KIAA1217: variants seen among roughly 807,000 people sequenced by gnomAD.
The protein encoded by KIAA1217 is KIAA1217, also known as sickle tail protein homolog.
A neutral mutation model predicts 163.9 loss-of-function variants in KIAA1217; 88 were observed. The ratio of observed to expected loss-of-function variants is 0.54; its 90% CI spans 0.45 to 0.64. The LOEUF (loss-of-function observed/expected upper bound fraction) is 0.64. Among genes scored for constraint, KIAA1217 ranks in the 30% least tolerant of loss-of-function variants. The pLI is 0.00. For missense variants in KIAA1217, 2,372 were observed against 2,475.0 expected (o/e 0.96, Z 0.88); for synonymous variants, 903 against 923.1 (o/e 0.98, Z 0.39).
At chr10:24,494,321 T>G (rs1056743882) in intron 6 of KIAA1217, among the ~76,000 whole-genome samples, 179 bp from the exon 7 acceptor site, 1 of 152,190 alleles carries the variant, frequency 6.6e-6, no homozygotes, top group African/African-American at 2.4e-5. Context: ...TACTGAACAC[T>G]GATCACGAAT....
At chr10:24,409,395 T>G (rs1008493597) in intron 3 of KIAA1217, among the ~76,000 whole-genome samples, 4 of 152,204 alleles carry the variant, frequency 2.6e-5, no homozygotes, top group African/African-American at 9.6e-5. Flanking sequence ...TTCAAAATTC[T>G]AGGGAATGCA....
chr10:23,798,398 C>T (rs1836307513), intron 1 of KIAA1217, among the ~76,000 whole-genome samples: 1 of 152,200 alleles, frequency 6.6e-6, no homozygotes, highest in Admixed American at 6.5e-5. Context: ...TCTGTGTCCT[C>T]CTCCATCACC....
chr10:24,162,657 A>G (rs149798587), intron 2 of KIAA1217, among the ~76,000 whole-genome samples: 18 of 152,328 alleles, frequency 1.2e-4, no homozygotes, highest in African/African-American at 3.1e-4. Context: ...AGCAACATGA[A>G]TCATAAATTT....
chr10:24,230,945 G>A (rs977376621), intron 2 of KIAA1217, among the ~76,000 whole-genome samples: 1 of 152,182 alleles, frequency 6.6e-6, no homozygotes, highest in East Asian at 1.9e-4. Flanking sequence ...TCCTGTGGGA[G>A]CCTTGCTCTT....
chr10:23,704,174 A>G (rs5013588), intron 1 of KIAA1217, among the ~76,000 whole-genome samples: 1,076 of 17,442 alleles, frequency 0.062, 13 homozygotes, highest in East Asian at 0.16. Flanking sequence ...GTGTGTGTGT[A>G]TATATATATA....
intron 1 of KIAA1217, among the ~76,000 whole-genome samples, chr10:23,845,448 A>C (rs751072452): frequency 1.3e-5 from 2 of 152,210 alleles, no homozygotes; most frequent in Non-Finnish European, 2.9e-5. Flanking sequence ...ATGAGATGGT[A>C]TCTCATTGTG....
chr10:24,391,572 T>TG (rs2054992944), intron 3 of KIAA1217, among the ~76,000 whole-genome samples: 1 of 152,110 alleles, frequency 6.6e-6, no homozygotes, highest in Non-Finnish European at 1.5e-5. Flanking sequence ...CTCGAACTCC[T>TG]GACCTCAGGT....
intron 3 of KIAA1217, among the ~76,000 whole-genome samples, chr10:24,425,632 C>G (rs563518409): frequency 1.2e-4 from 19 of 152,328 alleles, no homozygotes; most frequent in African/African-American, 4.3e-4. Context: ...AAATGAACTA[C>G]TTATTAAATC....
intron 2 of KIAA1217, among the ~76,000 whole-genome samples, chr10:24,262,585 C>G (rs1409591052): frequency 6.9e-6 from 1 of 145,744 alleles, no homozygotes; most frequent in Non-Finnish European, 1.5e-5. Context: ...CCAGATCACA[C>G]AACTGCACTC....
intron 2 of KIAA1217, among the ~76,000 whole-genome samples, chr10:24,062,325 T>C (rs981523823): frequency 7.7e-6 from 1 of 129,900 alleles, no homozygotes; most frequent in African/African-American, 2.9e-5. Context: ...TGTGTGATGT[T>C]CCCCTTCCTG....
chr10:24,307,541 C>G (rs1428226632), intron 2 of KIAA1217, among the ~76,000 whole-genome samples: 2 of 147,848 alleles, frequency 1.4e-5, no homozygotes, highest in Non-Finnish European at 3.0e-5. Flanking sequence ...TTTGGGAGGT[C>G]AAAGTGGAAG....
chr10:24,390,149 T>C (rs2054652976), intron 3 of KIAA1217, among the ~76,000 whole-genome samples: 3 of 152,180 alleles, frequency 2.0e-5, no homozygotes, highest in Non-Finnish European at 4.4e-5. Flanking sequence ...CTACAACTGA[T>C]CTCTGACTGC....
At chr10:24,163,964 G>A (rs1354349208) in intron 2 of KIAA1217, among the ~76,000 whole-genome samples, 2 of 152,152 alleles carry the variant, frequency 1.3e-5, no homozygotes, top group East Asian at 3.9e-4. Context: ...AGAAGTTTGA[G>A]TCCAGCCGGG....
At chr10:23,817,960 CACATAT>C (rs1588881309) in intron 1 of KIAA1217, among the ~76,000 whole-genome samples, 1 of 57,726 alleles carries the variant, frequency 1.7e-5, no homozygotes, top group East Asian at 5.3e-4. Flanking sequence ...GGTGTGGTGG[CACATAT>C]ATATATATAT....
At chr10:23,856,821 G>A (rs553146142) in intron 1 of KIAA1217, among the ~76,000 whole-genome samples, 15 of 152,350 alleles carry the variant, frequency 9.8e-5, no homozygotes, top group East Asian at 9.7e-4. Context: ...AGCCATGTGC[G>A]GGATATAATC....
At chr10:23,711,485 G>T (rs1044591154) in intron 1 of KIAA1217, among the ~76,000 whole-genome samples, 8 of 152,268 alleles carry the variant, frequency 5.3e-5, no homozygotes, top group African/African-American at 1.9e-4. Flanking sequence ...GAGTCTCTTG[G>T]CAGACAGCGT....
chr10:24,033,158 G>T (rs1439726370), intron 2 of KIAA1217, among the ~76,000 whole-genome samples: 3 of 152,190 alleles, frequency 2.0e-5, no homozygotes, highest in Non-Finnish European at 4.4e-5. Flanking sequence ...GCACAGATGG[G>T]TGACATCATG....
At chr10:23,858,342 A>AT (rs1301520461) in intron 1 of KIAA1217, among the ~76,000 whole-genome samples, 1 of 152,120 alleles carries the variant, frequency 6.6e-6, no homozygotes, top group African/African-American at 2.4e-5. Context: ...GTGTTCACTG[A>AT]TTTAAAAATT....
At chr10:23,947,735 C>T (rs1239770342) in intron 1 of KIAA1217, among the ~76,000 whole-genome samples, 1 of 151,966 alleles carries the variant, frequency 6.6e-6, no homozygotes, top group Non-Finnish European at 1.5e-5. Context: ...AGATGGGAAC[C>T]CAATGGATAA....
Sources: allele counts gnomAD v4.1 joint callset (sites outside exome capture counted in the v4.1 genomes callset), GRCh38; gene constraint gnomAD v4.1.1; transcripts MANE v1.5; gene names NCBI Gene and HGNC (gene_info 2026-07-23, HGNC 2026-07-21).